The following UACA variants were observed in gnomAD, a reference collection of about 807,000 sequenced individuals.
UACA encodes nuclear membrane binding protein.
A neutral mutation model predicts 160.5 loss-of-function variants in UACA; 112 were observed. The ratio of observed to expected loss-of-function variants is 0.70; its 90% confidence interval spans 0.60 to 0.82. The LOEUF (loss-of-function observed/expected upper bound fraction) is 0.82, where lower values mean the gene tolerates loss of function less well. Ranked by LOEUF, UACA falls within the 40% of genes least tolerant of loss-of-function variation. The probability of loss-of-function intolerance (pLI) is 0.00; values close to 1 mark genes in which losing one functional copy is unlikely to be tolerated. For synonymous variants in UACA, 557 were observed against 568.4 expected, an observed-to-expected ratio of 0.98 and a Z score of 0.29; for missense variants, 1,574 against 1,614.6, an observed-to-expected ratio of 0.97 and a Z score of 0.43.
intron 5 of UACA, among the ~76,000 whole-genome samples, chr15:70,688,750 A>G (rs1382796797): frequency 6.6e-6 from 1 of 152,164 alleles, no homozygotes; most frequent in Non-Finnish European, 1.5e-5. Context: ...GCTTAAAGCC[A>G]AAAAGAGAAA....
intron 16 of UACA, among the ~76,000 whole-genome samples, chr15:70,665,914 T>C (rs74522034): frequency 0.016 from 2,481 of 152,308 alleles, 61 homozygotes; most frequent in African/African-American, 0.058. Context: ...AATCTTTATA[T>C]GTCATATCCA....
At chr15:70,740,760 G>A (rs1899507540) in intron 1 of UACA, among the ~76,000 whole-genome samples, 1 of 152,062 alleles carries the variant, frequency 6.6e-6, no homozygotes, top group Non-Finnish European at 1.5e-5. Context: ...GAGCTGGGCT[G>A]GCCGGGCGCG....
Position 70,687,584 on chromosome 15 carries a change from C to A in UACA, c.558G>T (p.Leu186=). 1.2e-6 allele frequency: 2 copies of A among 1,613,912 alleles called. No individual in the cohort carries two copies. The highest frequency in any genetic ancestry group is 2.2e-5 in the East Asian group (1 of 44,876). Residue 186 remains leucine (L), a synonymous_variant, in exon 7 of 19, where the codon CTG becomes CTT. Coordinates refer to ENST00000322954, the MANE Select transcript of UACA (RefSeq NM_018003.4). ...AATTAACATCCGCTCCTCTATCTATCAGCAGTTGACATATTGTTGGCCTAC... is the reference window on the plus strand; with the variant it reads ...AATTAACATCCGCTCCTCTATCTATAAGCAGTTGACATATTGTTGGCCTAC... ...QMSRPTICQL[L]IDRGADVNSR...
chr15:70,764,790 C>T (rs1314418190), upstream of UACA, among the ~76,000 whole-genome samples: 1 of 152,136 alleles, frequency 6.6e-6, no homozygotes, highest in Admixed American at 6.5e-5. Context: ...TTTGATTCCT[C>T]CCCCTTCCTC....
chr15:70,746,689 T>C (rs1899717611), intron 1 of UACA, among the ~76,000 whole-genome samples: 1 of 152,134 alleles, frequency 6.6e-6, no homozygotes, highest in Admixed American at 6.5e-5. Flanking sequence ...CACACATATG[T>C]TTACTGCAGC....
intron 1 of UACA, among the ~76,000 whole-genome samples, chr15:70,718,913 A>G (rs1253430224): frequency 6.6e-6 from 1 of 152,204 alleles, no homozygotes; most frequent in Non-Finnish European, 1.5e-5. Flanking sequence ...AAAAAATTGA[A>G]TAACTTGGCA....
At chr15:70,739,598 T>C (rs1207943964) in intron 1 of UACA, among the ~76,000 whole-genome samples, 1 of 152,214 alleles carries the variant, frequency 6.6e-6, no homozygotes, top group Non-Finnish European at 1.5e-5. Context: ...GTATGATATA[T>C]ACCAAATTTT....
At chr15:70,750,696 CCT>C (rs1008217326) in intron 1 of UACA, among the ~76,000 whole-genome samples, 5 of 152,164 alleles carry the variant, frequency 3.3e-5, no homozygotes, top group South Asian at 2.1e-4. Flanking sequence ...CAGTGAGACC[CCT>C]GTCTCTACAA....
At chr15:70,771,061 A>C in the UACA span, among the ~76,000 whole-genome samples, 1 of 152,272 alleles carries the variant, frequency 6.6e-6, no homozygotes, top group African/African-American at 2.4e-5. Context: ...ACTCCAAGTC[A>C]ACATTCCTTG....
chr15:70,660,333 T>C (rs1595863988), intron 17 of UACA, 117 bp from the exon 18 acceptor site: 1 of 806,084 alleles, frequency 1.2e-6, no homozygotes, highest in Middle Eastern at 2.3e-4. Context: ...ATCCTGCTAC[T>C]TCTAACAACA....
chr15:70,692,997 C>T (rs945663868), intron 3 of UACA, among the ~76,000 whole-genome samples: 10 of 152,170 alleles, frequency 6.6e-5, no homozygotes, highest in Admixed American at 5.9e-4. Flanking sequence ...ACCCAAACAT[C>T]CTCTAATTAC....
intron 1 of UACA, among the ~76,000 whole-genome samples, chr15:70,717,237 A>G (rs906340984): frequency 6.6e-6 from 1 of 152,182 alleles, no homozygotes; most frequent in African/African-American, 2.4e-5. Context: ...CAAACAAACA[A>G]TGAAACACTG....
In UACA at chr15:70,667,947, T is replaced by C. The variant is rs1896988758; in HGVS notation, c.2737A>G (p.Asn913Asp). ...TCAGCTTTTATTTGGTTCTGAGTGT[T>C]TTCCAGGTTTCTTTTTAATATTTCA... is the stretch of plus-strand genomic sequence containing the variant. Reference protein sequence around the residue: ...KNEILKRNLENTQNQIKAEYI... With the variant: ...KNEILKRNLEDTQNQIKAEYI... The change falls in exon 16 of 19, where the codon AAC becomes GAC. Residue 913 changes from asparagine (N) to aspartate (D), a missense_variant. Transcript: ENST00000322954. 6.2e-7 allele frequency: 1 copy of C among 1,610,200 alleles called. No homozygotes were observed. The highest frequency in any genetic ancestry group is 1.3e-5 in the African/African-American group (1 of 74,574).
At chr15:70,674,779 G>A (rs551628255) in intron 13 of UACA, among the ~76,000 whole-genome samples, 139 of 152,096 alleles carry the variant, frequency 9.1e-4, no homozygotes, top group African/African-American at 3.1e-3. Flanking sequence ...TGTATTTTTC[G>A]TAAAGACGGA....
intron 1 of UACA, among the ~76,000 whole-genome samples, 172 bp downstream of exon 1, chr15:70,763,158 C>G (rs1356473602): frequency 1.3e-5 from 2 of 152,126 alleles, no homozygotes; most frequent in Non-Finnish European, 2.9e-5. Flanking sequence ...GGGGAGGATC[C>G]CCGGGGTCTC....
intron 1 of UACA, chr15:70,758,496 T>C (rs1193361742): frequency 1.3e-5 from 2 of 152,236 alleles, no homozygotes; most frequent in Admixed American, 6.5e-5. Context: ...GTCGCTGTTA[T>C]GAGAATAACA....
chr15:70,672,394 C>G (rs532576866), intron 13 of UACA, among the ~76,000 whole-genome samples: 2 of 152,144 alleles, frequency 1.3e-5, no homozygotes, highest in South Asian at 4.1e-4. Flanking sequence ...CTGTAGGAAG[C>G]AGAAACCCTA....
the UACA span, among the ~76,000 whole-genome samples, chr15:70,770,755 A>C: frequency 2.6e-5 from 4 of 152,228 alleles, no homozygotes; most frequent in African/African-American, 9.7e-5. Context: ...TTTAAGGCTA[A>C]ACTAAAAGGC....
intron 1 of UACA, among the ~76,000 whole-genome samples, chr15:70,728,989 C>T (rs897177117): frequency 6.6e-6 from 1 of 152,104 alleles, no homozygotes; most frequent in African/African-American, 2.4e-5. Flanking sequence ...CAATGAGTTA[C>T]CATCTCACAC....
Sources: allele counts gnomAD v4.1 joint callset (sites outside exome capture counted in the v4.1 genomes callset), GRCh38; gene constraint gnomAD v4.1.1; transcripts MANE v1.5; gene names NCBI Gene and HGNC (gene_info 2026-07-23, HGNC 2026-07-21).